The following GGTA1 variants were observed in gnomAD, a reference collection of about 807,000 sequenced individuals.
GGTA1 encodes inactive N-acetyllactosaminide alpha-1,3-galactosyltransferase.
A neutral mutation model predicts 2.6 loss-of-function variants in GGTA1; 5 were observed. That is an observed-to-expected ratio of 1.92 (90% CI 1.00 to 4.04). The LOEUF (loss-of-function observed/expected upper bound fraction) is 4.04. Among genes scored for constraint, GGTA1 ranks in the 30% most tolerant of loss-of-function variants. The pLI, the probability that GGTA1 is intolerant of heterozygous loss-of-function variation, is 0.00. For synonymous variants in GGTA1, 17 were observed against 5.0 expected, an observed-to-expected ratio of 3.38 and a Z score of -3.19; for missense variants, 50 against 16.7, an observed-to-expected ratio of 2.99 and a Z score of -3.47.
chr9:121,460,802 G>A (rs1216464596), intron 4 of GGTA1, among the ~76,000 whole-genome samples: 2 of 151,696 alleles, frequency 1.3e-5, no homozygotes, highest in South Asian at 2.1e-4. Context: ...CCGAGACCAC[G>A]CCACTGCACT....
intron 1 of GGTA1, among the ~76,000 whole-genome samples, chr9:121,482,248 C>G (rs1294116333): frequency 6.7e-6 from 1 of 150,068 alleles, no homozygotes; most frequent in African/African-American, 2.5e-5. Context: ...CAGAAGGATC[C>G]CTTGAGCCCA....
Position 121,455,379 on chromosome 9 carries a change from T to C in GGTA1, c.*458A>G, listed in dbSNP as rs1420731737. ...TGTAAATGTGTATAAGCTGGACATT[T>C]GGTAATATTATTTTTAAAAAAGGAA... is the stretch of plus-strand genomic sequence containing the variant. On this transcript the variant is annotated 3_prime_UTR_variant, in exon 6 of 6. Transcript: ENST00000481799. 1 of 152,426 alleles carries C rather than the reference T, an allele frequency of 6.6e-6. No homozygotes were observed. The highest frequency in any genetic ancestry group is 1.5e-5 in the Non-Finnish European group (1 of 68,180). 9.4% of individuals were successfully genotyped at this position (152,426 alleles called of 1,614,324 possible).
chr9:121,496,211 C>T (rs1828989352), intron 1 of GGTA1, among the ~76,000 whole-genome samples: 1 of 152,172 alleles, frequency 6.6e-6, no homozygotes, highest in Non-Finnish European at 1.5e-5. Flanking sequence ...ACAAACAACC[C>T]CCAAATCTTA....
intron 2 of GGTA1, among the ~76,000 whole-genome samples, chr9:121,464,997 AAAAC>A (rs2064993310): frequency 1.0e-5 from 1 of 99,568 alleles, no homozygotes; most frequent in African/African-American, 3.3e-5. Flanking sequence ...GCAAAAAAAC[AAAAC>A]AAACAAAAAA....
chr9:121,487,613 C>T (rs976556136), intron 1 of GGTA1, among the ~76,000 whole-genome samples: 7 of 150,388 alleles, frequency 4.7e-5, no homozygotes, highest in Non-Finnish European at 1.0e-4. Context: ...AGAATCAAAC[C>T]TACAGTCCTA....
chr9:121,494,063 C>T (rs1283027152), intron 1 of GGTA1, among the ~76,000 whole-genome samples: 1 of 152,120 alleles, frequency 6.6e-6, no homozygotes, highest in African/African-American at 2.4e-5. Flanking sequence ...AGCCGCTAGG[C>T]TCACTCTCTC....
chr9:121,473,710 G>A (rs1828442929), intron 1 of GGTA1, among the ~76,000 whole-genome samples: 1 of 152,122 alleles, frequency 6.6e-6, no homozygotes, highest in African/African-American at 2.4e-5. Context: ...CAGATTGCTT[G>A]AGCCCAGGAG....
chr9:121,488,436 T>C (rs1828806106), intron 1 of GGTA1, among the ~76,000 whole-genome samples: 2 of 152,264 alleles, frequency 1.3e-5, no homozygotes, highest in East Asian at 3.9e-4. Flanking sequence ...ATATTGGGCC[T>C]GGGCATGGTG....
At chr9:121,461,436 A>C in intron 3 of GGTA1, 119 bp from the exon 4 acceptor site, 1 of 378,424 alleles carries the variant, frequency 2.6e-6, no homozygotes, top group East Asian at 7.2e-5. Context: ...TTAAAATGCC[A>C]ATTTATAAAA....
intron 1 of GGTA1, chr9:121,479,194 C>A: frequency 2.3e-6 from 1 of 438,148 alleles, no homozygotes; most frequent in South Asian, 1.6e-5. Context: ...CCCAGCATGG[C>A]AGAAGCAAAT....
At chr9:121,467,510 T>C (rs1189825346) in intron 2 of GGTA1, among the ~76,000 whole-genome samples, 1 of 152,252 alleles carries the variant, frequency 6.6e-6, no homozygotes, top group Non-Finnish European at 1.5e-5. Context: ...CTGAAATTTC[T>C]TAAGGTAATT....
chr9:121,472,796 T>G (rs1431986241), intron 1 of GGTA1, among the ~76,000 whole-genome samples: 1 of 152,168 alleles, frequency 6.6e-6, no homozygotes, highest in South Asian at 2.1e-4. Context: ...GTAAGGAACG[T>G]TAGGCAGAGA....
intron 1 of GGTA1, among the ~76,000 whole-genome samples, chr9:121,478,816 C>G (rs574234802): frequency 1.3e-5 from 2 of 152,316 alleles, no homozygotes; most frequent in South Asian, 4.1e-4. Flanking sequence ...TGAATCCAGC[C>G]AGCTTTTCCA....
intron 1 of GGTA1, among the ~76,000 whole-genome samples, chr9:121,480,528 G>A (rs1828620761): frequency 6.6e-6 from 1 of 152,256 alleles, no homozygotes; most frequent in South Asian, 2.1e-4. Flanking sequence ...CATCTCCAGG[G>A]AGTACAGTCT....
At position 121,483,784 on chromosome 9, in the gene GGTA1, T is replaced by C. The variant is rs554576976; in HGVS notation, c.-9-15853A>G. 2.6e-5 allele frequency among the ~76,000 whole-genome samples: 4 copies of C among 152,326 alleles called. No homozygotes were observed. The East Asian group carries it at 5.8e-4, about 22-fold the overall frequency. On this transcript the variant is annotated intron_variant, in intron 1 of 5. Coordinates refer to ENST00000481799, the MANE Select transcript of GGTA1 (RefSeq NM_001382585.1). Reference sequence around the variant, plus strand: ...TGGCTTCATGTCCCAGGTCACTTCCTGCTGGGAAACTTGAAGGTCACGATC... The same window carrying C: ...TGGCTTCATGTCCCAGGTCACTTCCCGCTGGGAAACTTGAAGGTCACGATC...
At chr9:121,450,340 G>A (rs926360549), downstream of GGTA1, among the ~76,000 whole-genome samples, 2 of 151,928 alleles carry the variant, frequency 1.3e-5, no homozygotes, top group Admixed American at 6.6e-5. Flanking sequence ...GGTGGCGGGG[G>A]GGTGGTTTAG....
At chr9:121,473,857 G>T (rs1281645866) in intron 1 of GGTA1, among the ~76,000 whole-genome samples, 1 of 150,538 alleles carries the variant, frequency 6.6e-6, no homozygotes, top group Non-Finnish European at 1.5e-5. Context: ...GGTCCAGGCT[G>T]CAGTGAGCCG....
chr9:121,497,426 GA>G (rs1177688823), intron 1 of GGTA1, among the ~76,000 whole-genome samples: 1 of 152,012 alleles, frequency 6.6e-6, no homozygotes, highest in Non-Finnish European at 1.5e-5. Flanking sequence ...TGATGTAATG[GA>G]AAAAGCACCA....
At chr9:121,479,395 A>C in intron 1 of GGTA1, 1 of 316,552 alleles carries the variant, frequency 3.2e-6, no homozygotes, top group South Asian at 2.6e-5. Context: ...CTCAGCAGCC[A>C]GGGGCTTTGT....
Sources: gnomAD v4.1 joint callset for allele counts (sites outside exome capture counted in the v4.1 genomes callset) on GRCh38, gnomAD v4.1.1 for gene constraint, MANE v1.5 for transcripts, NCBI Gene and HGNC (gene_info 2026-07-23, HGNC 2026-07-21) for gene names.